The following ZNF385D variants were observed in gnomAD, a reference collection of about 807,000 sequenced individuals.
ZNF385D encodes the protein zinc finger protein 385D, also known as zinc finger protein 659.
ZNF385D carries 15 observed loss-of-function variants against 35.8 expected under a neutral mutation model. That is an observed-to-expected ratio of 0.42 (90% CI 0.28 to 0.64). The LOEUF is 0.64. Among genes scored for constraint, ZNF385D ranks in the 30% least tolerant of loss-of-function variants. ZNF385D has a pLI of 0.23. For missense variants in ZNF385D, 474 were observed against 494.6 expected, an observed-to-expected ratio of 0.96 and a Z score of 0.39; for synonymous variants, 212 against 186.8, an observed-to-expected ratio of 1.13 and a Z score of -1.10.
In ZNF385D at chr3:22,364,776, T is replaced by A. The variant is rs770825034; in HGVS notation, c.106+7674A>T. Among the ~76,000 whole-genome samples the A allele has an allele frequency of 9.5e-4, 145 of 152,100 alleles. 2 individuals carry two copies. The highest frequency in any genetic ancestry group is 9.2e-4 in the Admixed American group (14 of 15,254). ...GGATTGAAAGTAGAGTCTTAAGGGA[T>A]ATCTGTGCACTCATGTTTACAGCAA... On this transcript the variant is annotated intron_variant, in intron 2 of 5. Transcript: ENST00000494108.
chr3:22,227,187 G>C (rs116562189), intron 2 of ZNF385D, among the ~76,000 whole-genome samples: 1 of 144,188 alleles, frequency 6.9e-6, no homozygotes, highest in South Asian at 2.1e-4. Flanking sequence ...TATGTGGGGC[G>C]GGGGGGGTGT....
At chr3:21,781,379 C>A (rs551604635) in intron 3 of ZNF385D, among the ~76,000 whole-genome samples, 9 of 152,058 alleles carry the variant, frequency 5.9e-5, no homozygotes, top group Admixed American at 2.0e-4. Flanking sequence ...AAATATGCCC[C>A]AAATTCCTAA....
At chr3:22,236,719 A>G (rs969703569) in intron 2 of ZNF385D, among the ~76,000 whole-genome samples, 16 of 152,124 alleles carry the variant, frequency 1.1e-4, no homozygotes, top group Admixed American at 1.0e-3. Context: ...CTCTATTCCT[A>G]TGTCTAGCCC....
intron 3 of ZNF385D, among the ~76,000 whole-genome samples, chr3:21,893,368 A>G (rs1422749278): frequency 1.3e-5 from 2 of 152,128 alleles, no homozygotes; most frequent in East Asian, 3.8e-4. Context: ...AACAAACAAA[A>G]AAGTGCCTTG....
chr3:21,803,008 C>G (rs1300699081), intron 3 of ZNF385D, among the ~76,000 whole-genome samples: 1 of 152,130 alleles, frequency 6.6e-6, no homozygotes, highest in Non-Finnish European at 1.5e-5. Context: ...CAGGCTGATC[C>G]TTCAGGGAAT....
chr3:21,821,923 G>A (rs989327982), intron 3 of ZNF385D, among the ~76,000 whole-genome samples: 9 of 139,656 alleles, frequency 6.4e-5, no homozygotes, highest in East Asian at 2.1e-4. Context: ...CCATCATCAC[G>A]CCACTGTACT....
At chr3:21,682,679 T>A (rs1349994887) in intron 1 of ZNF385D, among the ~76,000 whole-genome samples, 1 of 149,948 alleles carries the variant, frequency 6.7e-6, no homozygotes, top group Admixed American at 6.7e-5. Flanking sequence ...TAGAACTGGA[T>A]GAAACCTTAG....
chr3:21,877,538 C>A lies in ZNF385D; in HGVS notation c.326-212510G>T, dbSNP rs1035149150. ...CCATATAAATATAAGGCACAATAGA[C>A]GACTGGTGGTAATTGATTCTGGAGA... On this transcript the variant is annotated intron_variant, in intron 3 of 5. Coordinates refer to the ZNF385D transcript ENST00000494108. Among the ~76,000 whole-genome samples, 12 of 151,964 alleles carry A rather than the reference C, an allele frequency of 7.9e-5. No individual in the cohort carries two copies. The East Asian group carries it at 9.7e-4, about 12-fold the overall frequency.
chr3:21,498,108 GC>G, intron 4 of ZNF385D, among the ~76,000 whole-genome samples: 1 of 152,120 alleles, frequency 6.6e-6, no homozygotes, highest in African/African-American at 2.4e-5. Context: ...ACAAAAACGA[GC>G]CATGGGGAAA....
At chr3:22,130,580 G>C (rs1467654145) in intron 3 of ZNF385D, among the ~76,000 whole-genome samples, 1 of 152,144 alleles carries the variant, frequency 6.6e-6, no homozygotes, top group Non-Finnish European at 1.5e-5. Flanking sequence ...GGGCAGCACT[G>C]AGTTCCAATG....
chr3:21,852,729 T>A (rs1226745856), intron 3 of ZNF385D, among the ~76,000 whole-genome samples: 1 of 151,888 alleles, frequency 6.6e-6, no homozygotes, highest in Non-Finnish European at 1.5e-5. Flanking sequence ...TGAAAAGTTA[T>A]GAATTGATGA....
chr3:22,353,568 C>T (rs1440659602), intron 2 of ZNF385D, among the ~76,000 whole-genome samples: 1 of 152,112 alleles, frequency 6.6e-6, no homozygotes, highest in Non-Finnish European at 1.5e-5. Context: ...CCTATGTCCT[C>T]GGACTGTAGC....
chr3:22,201,181 A>G (rs1170775832), intron 2 of ZNF385D, among the ~76,000 whole-genome samples: 1 of 152,128 alleles, frequency 6.6e-6, no homozygotes, highest in Non-Finnish European at 1.5e-5. Context: ...AAGAAATTAT[A>G]AAAGTATTAA....
chr3:22,049,588 T>C (rs903683695), intron 3 of ZNF385D, among the ~76,000 whole-genome samples: 1 of 152,314 alleles, frequency 6.6e-6, no homozygotes, highest in African/African-American at 2.4e-5. Context: ...CATCTTTGCC[T>C]GCTTCCTAAT....
intron 3 of ZNF385D, among the ~76,000 whole-genome samples, chr3:22,113,388 A>G (rs1027907840): frequency 2.6e-5 from 4 of 152,092 alleles, no homozygotes; most frequent in African/African-American, 9.7e-5. Context: ...ATAGTGTTTA[A>G]ATTTCTCTAA....
intron 2 of ZNF385D, among the ~76,000 whole-genome samples, chr3:21,647,495 C>G: frequency 6.6e-6 from 1 of 151,852 alleles, no homozygotes; most frequent in East Asian, 1.9e-4. Flanking sequence ...TTACATACTG[C>G]AATTAACACG....
intron 3 of ZNF385D, among the ~76,000 whole-genome samples, chr3:22,156,693 C>G (rs1225154887): frequency 6.6e-6 from 1 of 152,096 alleles, no homozygotes; most frequent in African/African-American, 2.4e-5. Context: ...CCACAGCCAT[C>G]TCTTTCCTCT....
At chr3:22,100,378 G>A (rs1414792721) in intron 3 of ZNF385D, among the ~76,000 whole-genome samples, 8 of 147,374 alleles carry the variant, frequency 5.4e-5, no homozygotes, top group African/African-American at 1.8e-4. Context: ...AAAGACACAT[G>A]CACACGTATG....
intron 3 of ZNF385D, among the ~76,000 whole-genome samples, chr3:22,101,202 A>T (rs951256098): frequency 1.3e-5 from 2 of 152,126 alleles, no homozygotes; most frequent in Non-Finnish European, 2.9e-5. Flanking sequence ...TTTAAGAGAT[A>T]AAAAGCACCA....
Sources: gnomAD v4.1 joint callset for allele counts (sites outside exome capture counted in the v4.1 genomes callset) on GRCh38, gnomAD v4.1.1 for gene constraint, MANE v1.5 for transcripts, NCBI Gene and HGNC (gene_info 2026-07-23, HGNC 2026-07-21) for gene names.